UBA2: variants seen among roughly 807,000 people sequenced by gnomAD.
UBA2 encodes the protein SUMO-activating enzyme subunit 2.
A neutral mutation model predicts 77.2 loss-of-function variants in UBA2; 11 were observed. The ratio of observed to expected loss-of-function variants is 0.14; its 90% CI spans 0.09 to 0.24. The LOEUF (loss-of-function observed/expected upper bound fraction) is 0.24. UBA2 is among the 10% of genes least tolerant of loss of function. The pLI is 1.00. For missense variants in UBA2, 487 were observed against 781.7 expected, an observed-to-expected ratio of 0.62 and a Z score of 4.50; for synonymous variants, 278 against 276.7, an observed-to-expected ratio of 1.00 and a Z score of -0.05.
At chr19:34,430,542 G>A (rs1156746996) in intron 1 of UBA2, 34 bp from the exon 2 acceptor site, 2 of 1,540,120 alleles carry the variant, frequency 1.3e-6, no homozygotes, top group Admixed American at 1.7e-5. Context: ...ATACGTAAAC[G>A]TTTGTCATTT....
At chr19:34,444,033 GT>G (rs374959938) in intron 7 of UBA2, 122 bp downstream of exon 7, 356 of 202,522 alleles carry the variant, frequency 1.8e-3, no homozygotes, top group Admixed American at 2.1e-3. Flanking sequence ...TTTAACATGT[GT>G]TTTTTTTTTG....
At chr19:34,438,511 T>A in intron 5 of UBA2, 134 bp from the exon 6 acceptor site, 1 of 1,064,268 alleles carries the variant, frequency 9.4e-7, no homozygotes, top group Non-Finnish European at 1.4e-6. Flanking sequence ...CATTTTGGAG[T>A]CACTAATATT....
chr19:34,428,870 C>G (rs980776454), intron 1 of UBA2: 2 of 1,064,188 alleles, frequency 1.9e-6, no homozygotes, highest in African/African-American at 3.3e-5. Flanking sequence ...CTCTTATCCT[C>G]CCTTCAAAAC....
At chr19:34,456,328 G>A (rs1022268610) in intron 12 of UBA2, among the ~76,000 whole-genome samples, 5 of 150,770 alleles carry the variant, frequency 3.3e-5, no homozygotes, top group Admixed American at 2.0e-4. Flanking sequence ...TGCCCAGATT[G>A]GTCTCAAACT....
chr19:34,461,001 A>T (rs571489655), intron 14 of UBA2, among the ~76,000 whole-genome samples: 1 of 152,354 alleles, frequency 6.6e-6, no homozygotes, highest in East Asian at 1.9e-4. Context: ...CTTTCCTTTC[A>T]AAAGTTCAAG....
chr19:34,454,547 G>T lies in UBA2; in HGVS notation c.1236G>T (p.Gln412His). ...AGATTTTATCAGGAAAAATAGACCA[G>T]TGCAGAACAGTGAGTATTTCTGTTT... is the stretch of plus-strand genomic sequence containing the variant. ...GLKILSGKID[Q>H]CRTIFLNKQP... Residue 412 changes from glutamine to histidine, a missense_variant, in exon 12 of 17, where the codon CAG (glutamine) becomes CAT (histidine). By Grantham distance (24) the Gln-to-His change is conservative. Coordinates refer to ENST00000246548, the MANE Select transcript of UBA2 (RefSeq NM_005499.3). 6.5e-7 allele frequency: 1 copy of T among 1,548,716 alleles called. No individual in the cohort carries two copies. The highest frequency in any genetic ancestry group is 8.8e-7 in the Non-Finnish European group (1 of 1,139,378).
Position 34,428,417 on chromosome 19 carries a change from T to C in UBA2, c.-16T>C. The stretch of plus-strand genomic sequence containing the variant: ...CTCCCGCCTCCGCCTCCGCCGCGGC[T>C]CGTGGTTGTCCCGCCATGGCACTGT... On this transcript the variant is annotated 5_prime_UTR_variant, in exon 1 of 17. Coordinates refer to ENST00000246548, the MANE Select transcript of UBA2 (RefSeq NM_005499.3). The C allele has an allele frequency of 1.6e-6, 2 of 1,250,048 alleles. No individual in the cohort carries two copies. The highest frequency in any genetic ancestry group is 2.0e-6 in the Non-Finnish European group (2 of 996,140). The allele number at this position is 1,250,048 out of a possible 1,614,324, so 77.4% of individuals were successfully genotyped here. A position where few individuals can be genotyped will look rare whatever the true frequency, so the allele number is the denominator to read the frequency against.
At chr19:34,428,786 GGACGC>G in intron 1 of UBA2, 1 of 1,149,660 alleles carries the variant, frequency 8.7e-7, no homozygotes, top group East Asian at 3.5e-5. Context: ...GGCCGGCTCC[GGACGC>G]CGAGGAGGCC....
At chr19:34,432,013 T>C (rs912630632) in intron 3 of UBA2, 82 bp downstream of exon 3, 1 of 1,078,716 alleles carries the variant, frequency 9.3e-7, no homozygotes, top group East Asian at 2.5e-5. Context: ...TCAGCTTTTT[T>C]AAAAAAAATG....
At chr19:34,429,661 A>T (rs1434430366) in intron 1 of UBA2, among the ~76,000 whole-genome samples, 3 of 151,784 alleles carry the variant, frequency 2.0e-5, no homozygotes, top group Non-Finnish European at 4.4e-5. Context: ...AACATAGAGA[A>T]ACCCCGTCTC....
chr19:34,450,479 C>CA, intron 9 of UBA2, 115 bp downstream of exon 9: 3 of 623,578 alleles, frequency 4.8e-6, no homozygotes, highest in East Asian at 3.6e-5. Flanking sequence ...TCAAACAGTG[C>CA]AAAAAAATAT....
intron 5 of UBA2, among the ~76,000 whole-genome samples, chr19:34,438,220 C>CAAAAAAAAAAA (rs35061343): frequency 7.5e-6 from 1 of 133,988 alleles, no homozygotes; most frequent in Non-Finnish European, 1.6e-5. Context: ...TAGTTTTGCT[C>CAAAAAAAAAAA]AAAAAAAAAA....
At chr19:34,428,615 G>A (rs753505599) in intron 1 of UBA2, 45 bp downstream of exon 1, 11 of 1,296,928 alleles carry the variant, frequency 8.5e-6, no homozygotes, top group South Asian at 3.3e-5. Flanking sequence ...TGTGGTGCGG[G>A]GGCTGGGATT....
Position 34,464,147 on chromosome 19 carries a change from A to G in UBA2, c.1604+16A>G, listed in dbSNP as rs1280024024. 1 of 1,469,548 alleles carries G rather than the reference A, an allele frequency of 6.8e-7. No homozygotes were observed. The highest frequency in any genetic ancestry group is 9.5e-7 in the Non-Finnish European group (1 of 1,054,450). 91.0% of individuals were successfully genotyped at this position (1,469,548 alleles called of 1,614,324 possible). ...TCCTTCATAGGTAAGAGCTATTAGT[A>G]TTTTAATTGTAAGAAATTATTTGAA... On this transcript the variant is annotated intron_variant, in intron 15 of 16. Transcript: ENST00000246548.
intron 4 of UBA2, 23 bp from the exon 5 acceptor site, chr19:34,434,840 AAACTC>A: frequency 6.4e-7 from 1 of 1,553,242 alleles, no homozygotes; most frequent in Non-Finnish European, 8.8e-7. Flanking sequence ...TTTTTCCCAA[AAACTC>A]ATACTGTTTG....
rs1449190878 is a variant in UBA2, at chr19:34,470,369, G to T, written c.*1148G>T. The T allele has an allele frequency of 6.6e-6, 1 of 152,000 alleles. No homozygotes were observed. Among genetic ancestry groups the T allele is most frequent in the African/African-American group, 2.4e-5 (1 of 41,372 alleles). The allele number at this position is 152,000 out of a possible 1,614,324, so 9.4% of individuals were successfully genotyped here. A position where few individuals can be genotyped will look rare whatever the true frequency, so the allele number is the denominator to read the frequency against. On this transcript the variant is annotated 3_prime_UTR_variant, in exon 17 of 17. Coordinates refer to ENST00000246548, the MANE Select transcript of UBA2 (RefSeq NM_005499.3). ...TACTTTCTAAAATAAAGCTCTTCCT[G>T]CGTGTGGTGGTGGTGCACATCTGTG...
intron 10 of UBA2, among the ~76,000 whole-genome samples, chr19:34,453,099 A>G (rs890487657): frequency 1.3e-5 from 2 of 152,190 alleles, no homozygotes; most frequent in Non-Finnish European, 2.9e-5. Context: ...TAGGGAAGAC[A>G]CTGTGTTGAG....
At chr19:34,444,885 T>C in intron 7 of UBA2, 115 bp from the exon 8 acceptor site, 1 of 1,013,992 alleles carries the variant, frequency 9.9e-7, no homozygotes, top group Non-Finnish European at 1.4e-6. Flanking sequence ...GAACTCAGAA[T>C]GTGTTGCATT....
At chr19:34,462,813 A>G (rs1018080972) in intron 14 of UBA2, among the ~76,000 whole-genome samples, 1 of 152,088 alleles carries the variant, frequency 6.6e-6, no homozygotes, top group Non-Finnish European at 1.5e-5. Flanking sequence ...TAAAAATACA[A>G]AAATTAGGCC....
Sources: allele counts gnomAD v4.1 joint callset (sites outside exome capture counted in the v4.1 genomes callset), GRCh38; gene constraint gnomAD v4.1.1; transcripts MANE v1.5; gene names NCBI Gene and HGNC (gene_info 2026-07-23, HGNC 2026-07-21).